The following PTGFRN variants were observed in gnomAD, a reference collection of about 807,000 sequenced individuals.
The protein encoded by PTGFRN is prostaglandin F2 receptor inhibitor.
PTGFRN carries 35 observed loss-of-function variants against 83.2 expected under a neutral mutation model. The observed-to-expected ratio is 0.42, with a 90% CI of 0.32 to 0.56. The LOEUF is 0.56. Among genes scored for constraint, PTGFRN ranks in the 20% least tolerant of loss-of-function variants. PTGFRN has a pLI of 0.11. For synonymous variants in PTGFRN, 519 were observed against 498.6 expected (o/e 1.04, Z -0.55); for missense variants, 1,051 against 1,179.5 (o/e 0.89, Z 1.60).
At position 116,910,173 on chromosome 1, in the gene PTGFRN, G is replaced by A. The variant is rs1044659487; in HGVS notation, c.-31G>A. ...GAGGAGAGGCGGCGGGGAAGGAGGA[G>A]GAGGGGGAGAGTCGCTCCCGCCGGG... On this transcript the variant is annotated 5_prime_UTR_variant, in exon 1 of 9. Transcript: ENST00000393203. 3 of 1,510,682 alleles carry A rather than the reference G, an allele frequency of 2.0e-6. No homozygotes were observed. The highest frequency in any genetic ancestry group is 2.6e-5 in the East Asian group (1 of 38,686). The allele number at this position is 1,510,682 out of a possible 1,614,324, so 93.6% of individuals were successfully genotyped here.
At position 116,967,277 on chromosome 1, in the gene PTGFRN, G is replaced by T; in HGVS notation, c.2006G>T (p.Arg669Leu). Reference sequence around the variant, plus strand: ...TCTCCTGTCAGGGGCAGCCTTTGGCGAGAAGCAGCAACCAGTCTCTCCAAT... The same window carrying T: ...TCTCCTGTCAGGGGCAGCCTTTGGCTAGAAGCAGCAACCAGTCTCTCCAAT... ...AWSPVRGSLW[R>L]EAATSLSNPI... The change falls in exon 6 of 9, where the codon CGA becomes CTA. Residue 669 changes from arginine (R) to leucine (L), a missense_variant. Physicochemically the swap from Arg to Leu is moderately radical, Grantham distance 102 (BLOSUM62 -2). Transcript: ENST00000393203. 1.2e-6 allele frequency: 2 copies of T among 1,614,212 alleles called. No individual in the cohort carries two copies. The highest frequency in any genetic ancestry group is 1.7e-6 in the Non-Finnish European group (2 of 1,180,030).
intron 1 of PTGFRN, among the ~76,000 whole-genome samples, chr1:116,937,905 C>A (rs1238020222): frequency 6.6e-6 from 1 of 152,116 alleles, no homozygotes; most frequent in Non-Finnish European, 1.5e-5. Context: ...TTAATCCTTA[C>A]CACAGCCCTC....
intron 1 of PTGFRN, among the ~76,000 whole-genome samples, chr1:116,916,900 T>G (rs2101050248): frequency 6.6e-6 from 1 of 152,070 alleles, no homozygotes; most frequent in South Asian, 2.1e-4. Context: ...GCACTAGATG[T>G]CAGAAAGTGG....
At chr1:116,925,777 C>A (rs746292661) in intron 1 of PTGFRN, among the ~76,000 whole-genome samples, 5 of 152,162 alleles carry the variant, frequency 3.3e-5, no homozygotes, top group Non-Finnish European at 7.3e-5. Context: ...TCATCTTTAT[C>A]GACTCTGACG....
At chr1:116,936,632 A>G (rs1649927208) in intron 1 of PTGFRN, among the ~76,000 whole-genome samples, 1 of 152,216 alleles carries the variant, frequency 6.6e-6, no homozygotes, top group African/African-American at 2.4e-5. Flanking sequence ...GCATGAAAGC[A>G]GAGGCCATGA....
rs1187813926 is a variant in PTGFRN, at chr1:116,967,232, G to A, written c.1961G>A (p.Arg654His). The change falls in exon 6 of 9, where the codon CGC (arginine) becomes CAC (histidine). Residue 654 changes from arginine to histidine, a missense_variant. Around this residue, in one of 3 missense-constraint regions of PTGFRN, gnomAD observed 719 missense variants for 836.6 expected, o/e 0.86. Transcript: ENST00000393203. Reference sequence around the variant, plus strand: ...CAGGTCTCAGACGCAGGGCTGTACCGCTGCATGGTGACAGCCTGGTCTCCT... The same window carrying A: ...CAGGTCTCAGACGCAGGGCTGTACCACTGCATGGTGACAGCCTGGTCTCCT... ...QTQVSDAGLY[R>H]CMVTAWSPVR... 2.5e-6 allele frequency: 4 copies of A among 1,614,046 alleles called. No individual in the cohort carries two copies. The highest frequency in any genetic ancestry group is 2.2e-5 in the South Asian group (2 of 91,086).
intron 1 of PTGFRN, among the ~76,000 whole-genome samples, chr1:116,912,465 G>C (rs1649297023): frequency 6.6e-6 from 1 of 152,120 alleles, no homozygotes; most frequent in South Asian, 2.1e-4. Flanking sequence ...GGGTATAATC[G>C]TGGTATCGCT....
intron 7 of PTGFRN, among the ~76,000 whole-genome samples, chr1:116,984,278 G>GGA (rs1248404174): frequency 6.6e-6 from 1 of 151,908 alleles, no homozygotes; most frequent in African/African-American, 2.4e-5. Context: ...GCTTTCTTTG[G>GGA]GAGAGAGAGC....
intron 7 of PTGFRN, among the ~76,000 whole-genome samples, chr1:116,981,642 A>G (rs1651321606): frequency 6.6e-6 from 1 of 152,360 alleles, no homozygotes; most frequent in South Asian, 2.1e-4. Flanking sequence ...CAGGTCAGCA[A>G]ATATTTTCTG....
intron 7 of PTGFRN, among the ~76,000 whole-genome samples, chr1:116,979,089 G>A (rs1651237934): frequency 6.6e-6 from 1 of 152,048 alleles, no homozygotes; most frequent in African/African-American, 2.4e-5. Context: ...GACAAACAGA[G>A]AGCCAAATCA....
At chr1:116,978,265 C>T (rs990278317) in intron 7 of PTGFRN, among the ~76,000 whole-genome samples, 33 of 152,208 alleles carry the variant, frequency 2.2e-4, no homozygotes, top group African/African-American at 6.5e-4. Flanking sequence ...CAGGAGCAGA[C>T]GGATTCACAG....
chr1:116,937,548 G>A (rs191186695), intron 1 of PTGFRN, among the ~76,000 whole-genome samples: 323 of 152,240 alleles, frequency 2.1e-3, no homozygotes, highest in South Asian at 0.012. Context: ...AAGGGACATC[G>A]GATTTGTATG....
At chr1:116,951,908 C>T (rs1394622799) in intron 4 of PTGFRN, among the ~76,000 whole-genome samples, 2 of 152,090 alleles carry the variant, frequency 1.3e-5, no homozygotes, top group African/African-American at 4.8e-5. Flanking sequence ...AACTTGGGAC[C>T]AATATAAGGT....
At chr1:116,934,319 C>CTGT (rs1425257749) in intron 1 of PTGFRN, among the ~76,000 whole-genome samples, 1 of 151,590 alleles carries the variant, frequency 6.6e-6, no homozygotes, top group Non-Finnish European at 1.5e-5. Context: ...CTAATTTTTT[C>CTGT]TGTTGTTGTT....
intron 1 of PTGFRN, among the ~76,000 whole-genome samples, chr1:116,930,408 G>A (rs918706324): frequency 2.6e-5 from 4 of 151,932 alleles, no homozygotes; most frequent in South Asian, 2.1e-4. Context: ...TGGTGTCATC[G>A]ACTCCCACGT....
In PTGFRN at chr1:116,961,596, C is replaced by G. The variant is rs781447607; in HGVS notation, c.1567C>G (p.Gln523Glu). The G allele has an allele frequency of 1.2e-5, 20 of 1,614,170 alleles. No homozygotes were observed. The highest frequency in any genetic ancestry group is 2.2e-5 in the South Asian group (2 of 91,078). The change falls in exon 5 of 9, where the codon CAG becomes GAG. Residue 523 changes from glutamine (Q) to glutamate (E), a missense_variant. Around this residue, in one of 3 missense-constraint regions of PTGFRN, gnomAD observed 719 missense variants for 836.6 expected, o/e 0.86. Coordinates refer to ENST00000393203, the MANE Select transcript of PTGFRN (RefSeq NM_020440.4). The surrounding 1 kb of genome is among the most constrained non-coding windows in gnomAD (Gnocchi z 5.4). ...CTGTGTTGTGTCTGCCTGGACCAAA[C>G]AGCGGAACAACAGCTGGGTGAAAAG... Reference protein sequence around the residue: ...YYCVVSAWTKQRNNSWVKSKD... With the variant: ...YYCVVSAWTKERNNSWVKSKD...
intron 1 of PTGFRN, among the ~76,000 whole-genome samples, chr1:116,920,026 C>G (rs73012725): frequency 0.024 from 3,719 of 152,312 alleles, 158 homozygotes; most frequent in African/African-American, 0.085. Flanking sequence ...GCCATGTGGC[C>G]TCTTGGCCCA....
intron 1 of PTGFRN, among the ~76,000 whole-genome samples, chr1:116,935,443 TAG>T (rs1450484109): frequency 6.6e-6 from 1 of 152,106 alleles, no homozygotes; most frequent in Non-Finnish European, 1.5e-5. Flanking sequence ...TGCATTCAGT[TAG>T]CTTTTATCTA....
Position 116,967,200 on chromosome 1 carries a change from C to G in PTGFRN, c.1929C>G (p.Tyr643Ter). 6.2e-7 allele frequency: 1 copy of G among 1,614,160 alleles called. No individual in the cohort carries two copies. Residue 643 changes from tyrosine to a stop codon, truncating the protein, a stop_gained, in exon 6 of 9, where the codon TAC becomes TAG. Transcript: ENST00000393203. LOFTEE classifies it high-confidence loss of function. ...VQEDEFRYRM[Y>*]QTQVSDAGLY... is the part of the protein sequence containing the mutation. ...AGGATGAGTTCCGCTATCGAATGTACCAGACTCAGGTCTCAGACGCAGGGC... is the reference window on the plus strand; with the variant it reads ...AGGATGAGTTCCGCTATCGAATGTAGCAGACTCAGGTCTCAGACGCAGGGC...
Sources: allele counts gnomAD v4.1 joint callset (sites outside exome capture counted in the v4.1 genomes callset), GRCh38; gene constraint gnomAD v4.1.1; regional missense constraint gnomAD v4.1.1; non-coding constraint Gnocchi (gnomAD v3.1); transcripts MANE v1.5; gene names NCBI Gene and HGNC (gene_info 2026-07-23, HGNC 2026-07-21).